ARSB: variants seen among roughly 807,000 people sequenced by gnomAD.
The protein encoded by ARSB is N-acetylgalactosamine-4-sulfatase.
A neutral mutation model predicts 50.9 loss-of-function variants in ARSB; 41 were observed. The observed-to-expected ratio is 0.81, with a 90% confidence interval of 0.63 to 1.04. The LOEUF (loss-of-function observed/expected upper bound fraction) is 1.04, where lower values mean the gene tolerates loss of function less well. Among genes scored for constraint, ARSB ranks in the 50% least tolerant of loss-of-function variants. The pLI, the probability that ARSB is intolerant of heterozygous loss-of-function variation, is 0.00. For missense variants in ARSB, 672 were observed against 693.3 expected, an observed-to-expected ratio of 0.97 and a Z score of 0.35; for synonymous variants, 269 against 284.8, an observed-to-expected ratio of 0.94 and a Z score of 0.56.
At chr5:78,894,148 G>T (rs952474644) in intron 4 of ARSB, among the ~76,000 whole-genome samples, 3 of 152,202 alleles carry the variant, frequency 2.0e-5, no homozygotes, top group African/African-American at 4.8e-5. Context: ...AAGTTCAAGG[G>T]CAGCAGGAGA....
At chr5:78,924,937 CACCG>C in intron 4 of ARSB, among the ~76,000 whole-genome samples, 1 of 152,286 alleles carries the variant, frequency 6.6e-6, no homozygotes, top group East Asian at 1.9e-4. Context: ...GAGAAAGATC[CACCG>C]ACCATTATTT....
intron 6 of ARSB, among the ~76,000 whole-genome samples, chr5:78,805,830 C>T (rs756619969): frequency 6.6e-5 from 10 of 152,138 alleles, no homozygotes; most frequent in South Asian, 2.1e-4. Flanking sequence ...TGGAACTGGT[C>T]GCGGTGCCGA....
At chr5:78,939,112 G>C (rs572125356) in intron 4 of ARSB, among the ~76,000 whole-genome samples, 91 of 152,256 alleles carry the variant, frequency 6.0e-4, no homozygotes, top group Non-Finnish European at 1.1e-3. Flanking sequence ...CTCTGGCCAT[G>C]GGCTTCACTC....
At chr5:78,895,449 T>C (rs1431482889) in intron 4 of ARSB, among the ~76,000 whole-genome samples, 1 of 152,216 alleles carries the variant, frequency 6.6e-6, no homozygotes, top group African/African-American at 2.4e-5. Flanking sequence ...TAGTTAAGGA[T>C]GGTTTAGACC....
chr5:78,813,726 A>G (rs1743896694), intron 6 of ARSB, among the ~76,000 whole-genome samples: 2 of 152,116 alleles, frequency 1.3e-5, no homozygotes, highest in Admixed American at 1.3e-4. Flanking sequence ...CTTTGTGCTC[A>G]TCCTGGAGGA....
At chr5:78,921,783 C>A (rs1268807948) in intron 4 of ARSB, among the ~76,000 whole-genome samples, 1 of 152,182 alleles carries the variant, frequency 6.6e-6, no homozygotes, top group Admixed American at 6.5e-5. Flanking sequence ...ACTTAAATGT[C>A]TCCTTCATAT....
chr5:78,953,317 T>C (rs972333769), intron 4 of ARSB, among the ~76,000 whole-genome samples: 2 of 152,248 alleles, frequency 1.3e-5, no homozygotes, highest in Non-Finnish European at 2.9e-5. Flanking sequence ...GGAGGCAGGA[T>C]ACTGTAGTGG....
chr5:78,856,924 C>A (rs556951488), intron 5 of ARSB, among the ~76,000 whole-genome samples: 1 of 152,320 alleles, frequency 6.6e-6, no homozygotes, highest in Admixed American at 6.5e-5. Flanking sequence ...TCAGGGTGTG[C>A]ATCCCAACTC....
intron 5 of ARSB, among the ~76,000 whole-genome samples, chr5:78,855,754 G>A (rs1746111582): frequency 6.6e-6 from 1 of 152,128 alleles, no homozygotes; most frequent in South Asian, 2.1e-4. Flanking sequence ...AGGTCTGTAG[G>A]TATCCACGGT....
Position 78,780,493 on chromosome 5 carries a change from T to C in ARSB, c.1506A>G (p.Leu502=). The C allele has an allele frequency of 1.2e-6, 2 of 1,614,142 alleles. No homozygotes were observed. The highest frequency in any genetic ancestry group is 1.7e-6 in the Non-Finnish European group (2 of 1,180,020). ...PHIVTKLLSR[L]QFYHKHSVPV... ...GGACTGAGTGTTTATGGTAGAACTG[T>C]AGGCGGGACAGGAGCTTTGTGACGA... The change falls in exon 8 of 8, where the codon CTA becomes CTG. Residue 502 remains leucine (L), a synonymous_variant. Coordinates refer to ENST00000264914, the MANE Select transcript of ARSB (RefSeq NM_000046.5).
chr5:78,894,880 C>G (rs1273620232), intron 4 of ARSB, among the ~76,000 whole-genome samples: 1 of 152,162 alleles, frequency 6.6e-6, no homozygotes, highest in East Asian at 1.9e-4. Context: ...GTGATTGACA[C>G]TGGACATCCC....
chr5:78,827,504 C>G (rs1038625122), intron 6 of ARSB, among the ~76,000 whole-genome samples: 1 of 152,184 alleles, frequency 6.6e-6, no homozygotes, highest in Non-Finnish European at 1.5e-5. Context: ...AGCCACTGTG[C>G]CCAGCCCCTC....
intron 6 of ARSB, among the ~76,000 whole-genome samples, chr5:78,811,615 T>A (rs1029378767): frequency 6.6e-6 from 1 of 152,258 alleles, no homozygotes; most frequent in Admixed American, 6.5e-5. Flanking sequence ...TTTAAACATT[T>A]GCATCTGTGA....
intron 4 of ARSB, among the ~76,000 whole-genome samples, chr5:78,954,658 C>A (rs1017000197): frequency 1.3e-5 from 2 of 152,080 alleles, no homozygotes. Context: ...GCACTCGCCA[C>A]CATGCCCGGC....
chr5:78,810,949 G>A (rs1743784623), intron 6 of ARSB, among the ~76,000 whole-genome samples: 1 of 152,190 alleles, frequency 6.6e-6, no homozygotes, highest in African/African-American at 2.4e-5. Flanking sequence ...AGCAATACAA[G>A]AAAAGTTAGG....
intron 6 of ARSB, among the ~76,000 whole-genome samples, chr5:78,782,723 G>T (rs1748962231): frequency 6.6e-6 from 1 of 152,180 alleles, no homozygotes; most frequent in South Asian, 2.1e-4. Flanking sequence ...TTTTGTTACT[G>T]ACAAAATTGA....
intron 6 of ARSB, among the ~76,000 whole-genome samples, chr5:78,808,080 G>C (rs1224281229): frequency 9.9e-6 from 1 of 101,166 alleles, no homozygotes; most frequent in African/African-American, 4.5e-5. Flanking sequence ...GCGACAGAGC[G>C]AGACTCCGTC....
chr5:78,889,984 C>T (rs527652726), intron 4 of ARSB, among the ~76,000 whole-genome samples: 5 of 152,282 alleles, frequency 3.3e-5, no homozygotes, highest in East Asian at 1.9e-4. Flanking sequence ...TCTTTGAACA[C>T]GGCCCTGATG....
At chr5:78,788,369 G>T (rs1749151036) in intron 6 of ARSB, among the ~76,000 whole-genome samples, 1 of 152,172 alleles carries the variant, frequency 6.6e-6, no homozygotes, top group South Asian at 2.1e-4. Context: ...ATTGGGAGTT[G>T]TTTGTTACCA....
Sources: allele counts gnomAD v4.1 joint callset (sites outside exome capture counted in the v4.1 genomes callset), GRCh38; gene constraint gnomAD v4.1.1; transcripts MANE v1.5; gene names NCBI Gene and HGNC (gene_info 2026-07-23, HGNC 2026-07-21).